The following CTNNA2 variants were observed in gnomAD, a reference collection of about 807,000 sequenced individuals.
The protein encoded by CTNNA2 is catenin alpha-2.
CTNNA2 carries 42 observed loss-of-function variants against 101.0 expected under a neutral mutation model. That is an observed-to-expected ratio of 0.42 (90% CI 0.32 to 0.54). CTNNA2 has a LOEUF of 0.54. Among genes scored for constraint, CTNNA2 ranks in the 20% least tolerant of loss-of-function variants. CTNNA2 has a pLI of 0.14. For missense variants in CTNNA2, 871 were observed against 1,223.1 expected, an observed-to-expected ratio of 0.71 and a Z score of 4.29; for synonymous variants, 450 against 456.4, an observed-to-expected ratio of 0.99 and a Z score of 0.18.
chr2:80,293,017 G>T (rs1351080322), intron 7 of CTNNA2, among the ~76,000 whole-genome samples: 1 of 152,104 alleles, frequency 6.6e-6, no homozygotes. Context: ...ATTCTGAAAA[G>T]TCCCATTATT....
chr2:79,310,013 C>G (rs1160388027), intron 2 of CTNNA2, among the ~76,000 whole-genome samples: 1 of 152,078 alleles, frequency 6.6e-6, no homozygotes, highest in African/African-American at 2.4e-5. Flanking sequence ...ATTTTCTAAT[C>G]AGTAATTGCC....
chr2:80,149,152 C>T (rs1703540712), intron 7 of CTNNA2, among the ~76,000 whole-genome samples: 1 of 151,710 alleles, frequency 6.6e-6, no homozygotes, highest in African/African-American at 2.4e-5. Context: ...CCTGACTCAA[C>T]CTCCTGAGTG....
intron 3 of CTNNA2, among the ~76,000 whole-genome samples, chr2:79,330,756 C>A (rs1382082833): frequency 1.3e-5 from 2 of 152,188 alleles, no homozygotes; most frequent in Admixed American, 1.3e-4. Flanking sequence ...CTCTTGCCTG[C>A]CACCATATAA....
chr2:79,319,859 G>A lies in CTNNA2; in HGVS notation c.-318+7063G>A, dbSNP rs1281279430. On this transcript the variant is annotated intron_variant, in intron 3 of 21. Transcript: ENST00000466387. ...AAAGCAAGAAGCAGGAAGATAAGAG[G>A]CAAAGAAGAAGAGAGCCCCACCCAC... 2.6e-5 allele frequency: 4 copies of A among 152,296 alleles called. 1 individual carries two copies. The highest frequency in any genetic ancestry group is 5.9e-5 in the Non-Finnish European group (4 of 68,038). 9.4% of individuals were successfully genotyped at this position (152,296 alleles called of 1,614,324 possible).
At chr2:79,679,403 A>G (rs1407282742) in intron 2 of CTNNA2, among the ~76,000 whole-genome samples, 1 of 152,046 alleles carries the variant, frequency 6.6e-6, no homozygotes, top group Non-Finnish European at 1.5e-5. Context: ...ACTGCCTCTT[A>G]GCCTCACCAT....
chr2:80,585,936 C>T (rs545127901), intron 14 of CTNNA2, among the ~76,000 whole-genome samples: 1 of 152,238 alleles, frequency 6.6e-6, no homozygotes, highest in East Asian at 1.9e-4. Context: ...AGTCACACAC[C>T]ATTAAGTGTA....
chr2:79,224,102 T>G (rs1327901716), intron 2 of CTNNA2, among the ~76,000 whole-genome samples: 1 of 152,200 alleles, frequency 6.6e-6, no homozygotes, highest in Non-Finnish European at 1.5e-5. Context: ...TTCTATCAAT[T>G]TCTTTTCAAA....
At chr2:79,973,062 C>T (rs1021639007) in intron 7 of CTNNA2, among the ~76,000 whole-genome samples, 3 of 151,874 alleles carry the variant, frequency 2.0e-5, no homozygotes, top group African/African-American at 7.3e-5. Flanking sequence ...CAACTTCATT[C>T]AAAAGAGAAA....
chr2:80,021,347 A>G (rs1694552992), intron 7 of CTNNA2, among the ~76,000 whole-genome samples: 1 of 152,044 alleles, frequency 6.6e-6, no homozygotes, highest in African/African-American at 2.4e-5. Flanking sequence ...CTGTGAATGT[A>G]TATTCATGAT....
intron 6 of CTNNA2, among the ~76,000 whole-genome samples, chr2:79,906,545 C>T (rs184746184): frequency 5.5e-4 from 83 of 152,218 alleles, no homozygotes; most frequent in Middle Eastern, 3.4e-3. Context: ...AAAAGCTTTT[C>T]CACTGTGATC....
chr2:80,199,238 A>G (rs1707044813), intron 7 of CTNNA2, among the ~76,000 whole-genome samples: 1 of 151,106 alleles, frequency 6.6e-6, no homozygotes, highest in Non-Finnish European at 1.5e-5. Flanking sequence ...TGATAGGAAC[A>G]GTGCTAAACT....
chr2:80,545,106 G>A (rs1203054161), intron 10 of CTNNA2, 32 bp downstream of exon 10: 1 of 1,604,502 alleles, frequency 6.2e-7, no homozygotes, highest in African/African-American at 1.3e-5. Flanking sequence ...TCAAAAGCCT[G>A]TCAGTGACCT....
chr2:80,090,225 C>A (rs572345226), intron 7 of CTNNA2, among the ~76,000 whole-genome samples: 2 of 149,312 alleles, frequency 1.3e-5, no homozygotes, highest in Non-Finnish European at 3.0e-5. Flanking sequence ...TGTGTGCATG[C>A]CTACATGTGA....
In CTNNA2 at chr2:79,216,323, C is replaced by T. The variant is rs543713485; in HGVS notation, c.-406+18247C>T. Among the ~76,000 whole-genome samples the T allele has an allele frequency of 2.0e-4, 11 of 54,654 alleles. No homozygotes were observed. The South Asian group carries it at 7.0e-3, about 35-fold the overall frequency. 35.9% of individuals were successfully genotyped at this position (54,654 alleles called of 152,430 possible). A position where few individuals can be genotyped will look rare whatever the true frequency, so the allele number is the denominator to read the frequency against. ...GGTTGCCCATAATGAAGGAGGCAAG[C>T]CTAGAGAAAAGAGAGAGACACGGAG... On this transcript the variant is annotated intron_variant, in intron 2 of 21. Coordinates refer to the CTNNA2 transcript ENST00000466387.
chr2:80,288,184 T>C (rs935245066), intron 7 of CTNNA2, among the ~76,000 whole-genome samples: 1 of 152,158 alleles, frequency 6.6e-6, no homozygotes, highest in African/African-American at 2.4e-5. Flanking sequence ...ACGGCCTCCT[T>C]AACACAGGGA....
intron 14 of CTNNA2, among the ~76,000 whole-genome samples, chr2:80,588,369 C>T (rs114621836): frequency 0.015 from 2,271 of 152,144 alleles, 54 homozygotes; most frequent in African/African-American, 0.052. Flanking sequence ...GTTTACAGTA[C>T]GAGAGCTGAA....
intron 1 of CTNNA2, among the ~76,000 whole-genome samples, chr2:79,554,076 G>A (rs942773403): frequency 6.6e-6 from 1 of 152,148 alleles, no homozygotes; most frequent in East Asian, 1.9e-4. Flanking sequence ...CTGATCTGCT[G>A]TATCATTCTT....
At chr2:79,376,913 C>A (rs916030335) in intron 4 of CTNNA2, among the ~76,000 whole-genome samples, 1 of 152,082 alleles carries the variant, frequency 6.6e-6, no homozygotes, top group African/African-American at 2.4e-5. Flanking sequence ...GGTTCCAAGT[C>A]TTTGCTATTG....
At chr2:80,157,489 T>C (rs1704056242) in intron 7 of CTNNA2, among the ~76,000 whole-genome samples, 1 of 152,056 alleles carries the variant, frequency 6.6e-6, no homozygotes, top group Non-Finnish European at 1.5e-5. Flanking sequence ...GTTAGATGTG[T>C]GTATGTGTTG....
Sources: gnomAD v4.1 joint callset for allele counts (sites outside exome capture counted in the v4.1 genomes callset) on GRCh38, gnomAD v4.1.1 for gene constraint, MANE v1.5 for transcripts, NCBI Gene and HGNC (gene_info 2026-07-23, HGNC 2026-07-21) for gene names.